The following AGMO variants were observed in gnomAD, a reference collection of about 807,000 sequenced individuals.
AGMO encodes the protein glyceryl-ether monooxygenase.
In AGMO, 75 loss-of-function variants were observed where a neutral mutation model predicts 60.2. The observed-to-expected ratio is 1.25, with a 90% CI of 1.03 to 1.51. The LOEUF is 1.51. AGMO is among the 40% of genes most tolerant of loss of function. The pLI, the probability that AGMO is intolerant of heterozygous loss-of-function variation, is 0.00. For synonymous variants in AGMO, 261 were observed against 177.1 expected, an observed-to-expected ratio of 1.47 and a Z score of -3.76; for missense variants, 763 against 525.5, an observed-to-expected ratio of 1.45 and a Z score of -4.42.
In AGMO at chr7:15,201,302, A is replaced by G. The variant is rs748470464; in HGVS notation, c.1321T>C (p.Ser441Pro). 6 of 1,612,468 alleles carry G rather than the reference A, an allele frequency of 3.7e-6. No individual in the cohort carries two copies. The South Asian group carries it at 6.6e-5, about 18-fold the overall frequency. ...WGVRSMKQLT[S>P]HPWK ...AATTCAGGTTATTTCCAAGGGTGAG[A>G]GGTGAGTTGTTTCATGCTTCTAACT... Residue 441 changes from serine (S) to proline (P), a missense_variant, in exon 13 of 13, where the codon TCT becomes CCT. Transcript: ENST00000342526.
chr7:15,307,041 A>T (rs1780636058), intron 12 of AGMO, among the ~76,000 whole-genome samples: 1 of 152,088 alleles, frequency 6.6e-6, no homozygotes, highest in Admixed American at 6.6e-5. Context: ...ATAATTATAA[A>T]GTGATTCCAA....
chr7:15,360,155 C>T (rs1286140041), intron 12 of AGMO, among the ~76,000 whole-genome samples: 2 of 152,150 alleles, frequency 1.3e-5, no homozygotes, highest in Non-Finnish European at 2.9e-5. Flanking sequence ...GTAGGTACTA[C>T]TTTTATTATT....
Position 15,418,914 on chromosome 7 carries a change from C to T in AGMO, c.514-261G>A, listed in dbSNP as rs183966018. On this transcript the variant is annotated intron_variant, in intron 4 of 12. Coordinates refer to ENST00000342526, the MANE Select transcript of AGMO (RefSeq NM_001004320.2). Reference sequence around the variant, plus strand: ...AATATTATATGTTGTGTGTTATTTCCTTAATTTTAAAAAGGTTGGATGTGT... The same window carrying T: ...AATATTATATGTTGTGTGTTATTTCTTTAATTTTAAAAAGGTTGGATGTGT... 4.0e-5 allele frequency among the ~76,000 whole-genome samples: 6 copies of T among 151,558 alleles called. No homozygotes were observed. In the East Asian group the frequency reaches 9.7e-4, roughly 25 times the overall value.
At chr7:15,211,205 A>G (rs1781578546) in intron 12 of AGMO, among the ~76,000 whole-genome samples, 1 of 152,044 alleles carries the variant, frequency 6.6e-6, no homozygotes, top group Admixed American at 6.6e-5. Flanking sequence ...ACAGGATTTT[A>G]TTGAGTATTG....
chr7:15,400,275 C>A (rs992223129), intron 5 of AGMO, among the ~76,000 whole-genome samples: 1 of 151,030 alleles, frequency 6.6e-6, no homozygotes. Flanking sequence ...ATTATCACCA[C>A]CCCCCCAAGC....
chr7:15,273,901 T>C (rs1445553012), intron 12 of AGMO, among the ~76,000 whole-genome samples: 1 of 152,254 alleles, frequency 6.6e-6, no homozygotes, highest in South Asian at 2.1e-4. Context: ...ATGGGAGTTC[T>C]ATCATGATTT....
intron 12 of AGMO, among the ~76,000 whole-genome samples, chr7:15,341,048 G>C (rs1350747833): frequency 6.6e-6 from 1 of 152,118 alleles, no homozygotes; most frequent in Admixed American, 6.6e-5. Context: ...TAGCATCAGA[G>C]TAACCTGGAT....
intron 3 of AGMO, among the ~76,000 whole-genome samples, chr7:15,521,465 CA>C (rs1783983416): frequency 6.6e-6 from 1 of 152,092 alleles, no homozygotes; most frequent in African/African-American, 2.4e-5. Flanking sequence ...ACTGGCAAAC[CA>C]AATCCAGCAG....
At chr7:15,184,384 G>GA in the AGMO span, among the ~76,000 whole-genome samples, 1 of 115,878 alleles carries the variant, frequency 8.6e-6, no homozygotes. Flanking sequence ...AGGAAGGAAG[G>GA]AAAGAAGAGA....
At chr7:15,202,944 A>C (rs949996123) in intron 12 of AGMO, among the ~76,000 whole-genome samples, 5 of 152,160 alleles carry the variant, frequency 3.3e-5, no homozygotes, top group Non-Finnish European at 7.4e-5. Flanking sequence ...TAGCTTTTCA[A>C]GTGAGACAGA....
At chr7:15,514,629 T>A (rs912749028) in intron 3 of AGMO, among the ~76,000 whole-genome samples, 34 of 152,200 alleles carry the variant, frequency 2.2e-4, no homozygotes, top group Non-Finnish European at 4.3e-4. Flanking sequence ...CTTAAGAGAG[T>A]ATATGAATAT....
chr7:15,252,716 A>C (rs1300937580), intron 12 of AGMO, among the ~76,000 whole-genome samples: 1 of 152,136 alleles, frequency 6.6e-6, no homozygotes, highest in Non-Finnish European at 1.5e-5. Context: ...TCAGTTAAGA[A>C]CTTGTGATTC....
chr7:15,138,346 T>C, the AGMO span, among the ~76,000 whole-genome samples: 3 of 152,222 alleles, frequency 2.0e-5, no homozygotes, highest in African/African-American at 7.2e-5. Flanking sequence ...TACTCTCTCC[T>C]GGATGATTTA....
chr7:15,274,330 G>A (rs1235282785), intron 12 of AGMO, among the ~76,000 whole-genome samples: 1 of 152,150 alleles, frequency 6.6e-6, no homozygotes, highest in Non-Finnish European at 1.5e-5. Context: ...AGCATGAAGG[G>A]CTGTTGAATG....
intron 12 of AGMO, among the ~76,000 whole-genome samples, chr7:15,271,955 C>G (rs1271655832): frequency 6.6e-6 from 1 of 152,054 alleles, no homozygotes; most frequent in African/African-American, 2.4e-5. Context: ...TGAGTTTATG[C>G]AGTGGGTCAC....
the AGMO span, among the ~76,000 whole-genome samples, chr7:15,176,626 A>C: frequency 6.6e-6 from 1 of 151,920 alleles, no homozygotes; most frequent in Non-Finnish European, 1.5e-5. Flanking sequence ...TGATTACCAA[A>C]ATCAAATTAA....
At chr7:15,440,769 C>T (rs1781533354) in intron 3 of AGMO, among the ~76,000 whole-genome samples, 1 of 152,194 alleles carries the variant, frequency 6.6e-6, no homozygotes, top group Admixed American at 6.5e-5. Context: ...TGATTCCCTA[C>T]TAACCAATAA....
the AGMO span, among the ~76,000 whole-genome samples, chr7:15,175,901 T>C: frequency 3.9e-5 from 6 of 151,946 alleles, no homozygotes; most frequent in South Asian, 1.2e-3. Context: ...TTATACATCA[T>C]CAGTATCCAT....
At chr7:15,490,033 T>C (rs1439169396) in intron 3 of AGMO, among the ~76,000 whole-genome samples, 1 of 152,174 alleles carries the variant, frequency 6.6e-6, no homozygotes, top group Non-Finnish European at 1.5e-5. Context: ...AATGGAAAAA[T>C]ATCTAATTTA....
Sources: gnomAD v4.1 joint callset for allele counts (sites outside exome capture counted in the v4.1 genomes callset) on GRCh38, gnomAD v4.1.1 for gene constraint, MANE v1.5 for transcripts, NCBI Gene and HGNC (gene_info 2026-07-23, HGNC 2026-07-21) for gene names.